Variants in ADGRG1 observed in about 807,000 individuals in gnomAD.
The protein encoded by ADGRG1 is 7-transmembrane protein with no EGF-like N-terminal domains-1.
Under a neutral mutation model 73.5 loss-of-function variants are expected in ADGRG1, and 53 were observed. The observed-to-expected ratio is 0.72, with a 90% CI of 0.58 to 0.91. The LOEUF is 0.91. Among genes scored for constraint, ADGRG1 ranks in the 40% least tolerant of loss-of-function variants. The pLI is 0.00. For missense variants in ADGRG1, 795 were observed against 871.8 expected, an observed-to-expected ratio of 0.91 and a Z score of 1.11; for synonymous variants, 394 against 374.4, an observed-to-expected ratio of 1.05 and a Z score of -0.60.
intron 1 of ADGRG1, chr16:57,635,600 C>T (rs1245256737): frequency 1.0e-6 from 1 of 985,276 alleles, no homozygotes; most frequent in Non-Finnish European, 1.2e-6. Flanking sequence ...GTAGTGTTTG[C>T]AAACCACGTG....
chr16:57,626,465 C>G, upstream of ADGRG1: 1 of 353,610 alleles, frequency 2.8e-6, no homozygotes, highest in Non-Finnish European at 3.9e-6. Context: ...GTCTCTCTAG[C>G]CAGACTCAGA....
chr16:57,637,266 G>A, intron 1 of ADGRG1: 22 of 973,202 alleles, frequency 2.3e-5, no homozygotes, highest in Non-Finnish European at 2.4e-5. Flanking sequence ...CGGGAATGTT[G>A]TAGGTGTGAA....
intron 1 of ADGRG1, chr16:57,631,907 G>C (rs1597114456): frequency 1.0e-6 from 1 of 967,630 alleles, no homozygotes; most frequent in Non-Finnish European, 1.2e-6. Flanking sequence ...AGGGGCCAAG[G>C]GTTGGGGAGT....
At chr16:57,630,708 C>A in intron 1 of ADGRG1, 2 of 243,784 alleles carry the variant, frequency 8.2e-6, no homozygotes, top group Non-Finnish European at 1.3e-5. Flanking sequence ...GATAAGCTTG[C>A]TAACAGAGGG....
chr16:57,652,983 C>A, intron 3 of ADGRG1: 1 of 1,419,184 alleles, frequency 7.0e-7, no homozygotes, highest in South Asian at 1.5e-5. Flanking sequence ...CCCGCTGGGG[C>A]TGGCATTGCT....
At chr16:57,644,021 A>G in intron 1 of ADGRG1, 1 of 985,266 alleles carries the variant, frequency 1.0e-6, no homozygotes, top group Non-Finnish European at 1.2e-6. Flanking sequence ...AAAAGTTTGG[A>G]AACCGTTGGA....
intron 1 of ADGRG1, chr16:57,640,722 T>G: frequency 1.0e-5 from 2 of 191,914 alleles, no homozygotes; most frequent in Non-Finnish European, 1.9e-5. Context: ...TCAGCCTACT[T>G]AGTAGGGGAG....
chr16:57,654,033 G>C lies in ADGRG1; in HGVS notation c.668G>C (p.Gly223Ala). Reference sequence around the variant, plus strand: ...AAACTGACCTCTGTGAGATTCATGGGGGACATGGTGTCCTTCGAGGAGGAC... The same window carrying C: ...AAACTGACCTCTGTGAGATTCATGGCGGACATGGTGTCCTTCGAGGAGGAC... The part of the protein sequence containing the change: ...ESKLTSVRFM[G>A]DMVSFEEDRI... The change falls in exon 5 of 14, where the codon GGG becomes GCG. Residue 223 changes from glycine to alanine, a missense_variant. Coordinates refer to ENST00000562631, the MANE Select transcript of ADGRG1 (RefSeq NM_201525.4). 1 of 1,614,126 alleles carries C rather than the reference G, an allele frequency of 6.2e-7. No homozygotes were observed. The highest frequency in any genetic ancestry group is 8.5e-7 in the Non-Finnish European group (1 of 1,180,038).
Position 57,648,700 on chromosome 16 carries a change from C to T in ADGRG1, c.-35-1553C>T, listed in dbSNP as rs62036132. On this transcript the variant is annotated intron_variant, in intron 1 of 13. Transcript: ENST00000562631. ...CCACGTGTGTTCTCCGGCTTGTGGC[C>T]GATGACTGCCTCTGTCACTGTGGCC... The T allele has an allele frequency of 5.4e-4, 534 of 984,486 alleles. 9 individuals are homozygous for T. In the South Asian group the frequency reaches 0.022, roughly 41 times the overall value. The allele number at this position is 984,486 out of a possible 1,614,324, so 61.0% of individuals were successfully genotyped here. A position where few individuals can be genotyped will look rare whatever the true frequency, so the allele number is the denominator to read the frequency against.
intron 1 of ADGRG1, chr16:57,632,062 C>CA: frequency 1.0e-6 from 1 of 985,460 alleles, no homozygotes; most frequent in Non-Finnish European, 1.2e-6. Context: ...CAGATTCTGC[C>CA]AGGCCCTGGG....
intron 5 of ADGRG1, chr16:57,654,985 G>A: frequency 1.1e-6 from 1 of 882,852 alleles, no homozygotes; most frequent in Non-Finnish European, 1.4e-6. Flanking sequence ...CTCTCAAAGT[G>A]CTGGGATTAC....
chr16:57,629,980 G>A (rs957146554), intron 1 of ADGRG1: 3 of 984,904 alleles, frequency 3.0e-6, no homozygotes, highest in Admixed American at 6.1e-5. Flanking sequence ...CCAATGTGGA[G>A]CAGTTGTAGC....
In ADGRG1 at chr16:57,661,922, G is replaced by T; in HGVS notation, c.1890G>T (p.Gln630His). Residue 630 changes from glutamine (Q) to histidine (H), a missense_variant, in exon 13 of 14, where the codon CAG (glutamine) becomes CAT (histidine). By Grantham distance (24) the Gln-to-His change is conservative. Coordinates refer to ENST00000562631, the MANE Select transcript of ADGRG1 (RefSeq NM_201525.4). ...IFFSFASGTF[Q>H]LVVLYLFSII... ...TCTCCTTTGCTTCTGGCACCTTCCA[G>T]CTTGTCGTCCTCTACCTTTTCAGCA... is the stretch of plus-strand genomic sequence containing the variant. The T allele has an allele frequency of 1.2e-6, 2 of 1,614,228 alleles. No homozygotes were observed. Among genetic ancestry groups the T allele is most frequent in the Non-Finnish European group, 1.7e-6 (2 of 1,180,034 alleles).
chr16:57,629,125 T>C, intron 1 of ADGRG1: 1 of 971,412 alleles, frequency 1.0e-6, no homozygotes, highest in Non-Finnish European at 1.2e-6. Flanking sequence ...CGTGCACGGG[T>C]GGCTGTTGGA....
Position 57,634,430 on chromosome 16 carries a change from G to A in ADGRG1, c.-36+5628G>A, listed in dbSNP as rs373356396. 210 of 985,446 alleles carry A rather than the reference G, an allele frequency of 2.1e-4. No individual in the cohort carries two copies. In the East Asian group the frequency reaches 2.3e-3, roughly 11 times the overall value. 61.0% of individuals were successfully genotyped at this position (985,446 alleles called of 1,614,324 possible). A position where few individuals can be genotyped will look rare whatever the true frequency, so the allele number is the denominator to read the frequency against. On this transcript the variant is annotated intron_variant, in intron 1 of 13. Coordinates refer to ENST00000562631, the MANE Select transcript of ADGRG1 (RefSeq NM_201525.4). ...GGCACGGGCCAAACAGTTCAGGGGC[G>A]ACTCACAGCCCAAACTTCCGCCCCT...
At position 57,663,671 on chromosome 16, in the gene ADGRG1, C is replaced by A; in HGVS notation, c.*89C>A. On this transcript the variant is annotated 3_prime_UTR_variant, in exon 14 of 14. Transcript: ENST00000562631. ...CCCCCGAGCCCGGCCCAGCCCCAGG[C>A]CAGTCAGCCGCAGACTTTGGAAAGC... The A allele has an allele frequency of 6.9e-7, 1 of 1,447,316 alleles. No individual in the cohort carries two copies. 89.7% of individuals were successfully genotyped at this position (1,447,316 alleles called of 1,614,324 possible). A position where few individuals can be genotyped will look rare whatever the true frequency, so the allele number is the denominator to read the frequency against.
chr16:57,641,742 T>C (rs1567707843), intron 1 of ADGRG1: 5 of 183,878 alleles, frequency 2.7e-5, no homozygotes, highest in Admixed American at 2.0e-4. Context: ...TTTTGTTTGT[T>C]TGTTTAGAGA....
upstream of ADGRG1, chr16:57,626,975 G>T (rs1447424843): frequency 2.0e-6 from 2 of 985,456 alleles, no homozygotes; most frequent in Admixed American, 1.2e-4. Context: ...CCGGGAGAGA[G>T]CAGAGGGTAT....
intron 2 of ADGRG1, chr16:57,622,687 G>A (rs1271538218): frequency 2.6e-6 from 2 of 774,768 alleles, no homozygotes; most frequent in Non-Finnish European, 3.1e-6. Flanking sequence ...AGAATGACCT[G>A]TTCTGGATGG....
Sources: gnomAD v4.1 joint callset for allele counts on GRCh38, gnomAD v4.1.1 for gene constraint, MANE v1.5 for transcripts, NCBI Gene and HGNC (gene_info 2026-07-23, HGNC 2026-07-21) for gene names.